DHX36: variants seen among roughly 807,000 people sequenced by gnomAD.
DHX36 encodes DEAH-box helicase 36.
Under a neutral mutation model 139.0 loss-of-function variants are expected in DHX36, and 50 were observed. The ratio of observed to expected loss-of-function variants is 0.36; its 90% CI spans 0.29 to 0.46. The LOEUF (loss-of-function observed/expected upper bound fraction) is 0.46, where lower values mean the gene tolerates loss of function less well. DHX36 is among the 20% of genes least tolerant of loss of function. The probability of loss-of-function intolerance (pLI) is 1.00; values close to 1 mark genes in which losing one functional copy is unlikely to be tolerated. For missense variants in DHX36, 1,024 were observed against 1,211.3 expected (o/e 0.85, Z 2.29); for synonymous variants, 425 against 401.9 (o/e 1.06, Z -0.69).
Position 154,289,743 on chromosome 3 carries a change from C to G in DHX36, c.1898G>C (p.Arg633Thr), listed in dbSNP as rs771930327. Residue 633 changes from arginine to threonine, a missense_variant, in exon 16 of 25, where the codon AGA becomes ACA. Arg to Thr is a moderately conservative substitution (Grantham distance 71, BLOSUM62 -1). This residue lies in a region of DHX36 where 470 missense variants were observed against 616.2 expected (regional missense o/e 0.76). Coordinates refer to ENST00000496811, the MANE Select transcript of DHX36 (RefSeq NM_020865.3). ...LDDYQLPEILRTPLEELCLQI... is the reference protein window; with the variant it reads ...LDDYQLPEILTTPLEELCLQI... ...TAAACAAAGTTCTTCCAAAGGAGTTCTCAAAATTTCTGGCAGTTGATAGTC... is the reference window on the plus strand; with the variant it reads ...TAAACAAAGTTCTTCCAAAGGAGTTGTCAAAATTTCTGGCAGTTGATAGTC... 6 of 1,612,484 alleles carry G rather than the reference C, an allele frequency of 3.7e-6. No individual in the cohort carries two copies. In the Admixed American group the frequency reaches 8.3e-5, roughly 22 times the overall value.
rs755425343 is a variant in DHX36 at position 154,280,510 on chromosome 3, T to C, written c.2567+69A>G. On this transcript the variant is annotated intron_variant, in intron 22 of 24. Coordinates refer to ENST00000496811, the MANE Select transcript of DHX36 (RefSeq NM_020865.3). The stretch of plus-strand genomic sequence containing the variant: ...GAACAAATTTATAATATAAGCCTTG[T>C]TACATGAGCAGATTTCAAAAGTTTA... 12 of 1,100,326 alleles carry C rather than the reference T, an allele frequency of 1.1e-5. No individual in the cohort carries two copies. The Admixed American group carries it at 2.2e-4, about 20-fold the overall frequency. The allele number at this position is 1,100,326 out of a possible 1,614,324, so 68.2% of individuals were successfully genotyped here.
At chr3:154,276,952 T>C (rs992446400) in intron 23 of DHX36, 53 bp from the exon 24 acceptor site, 3 of 1,487,270 alleles carry the variant, frequency 2.0e-6, no homozygotes, top group African/African-American at 2.9e-5. Context: ...AAAAGATTAC[T>C]ATATAAATTC....
At chr3:154,318,034 G>C (rs1473552135) in intron 1 of DHX36, among the ~76,000 whole-genome samples, 2 of 152,084 alleles carry the variant, frequency 1.3e-5, no homozygotes, top group Admixed American at 6.6e-5. Context: ...GTGGGTAGAG[G>C]AGTATGTGTC....
intron 1 of DHX36, among the ~76,000 whole-genome samples, chr3:154,319,880 A>T (rs946672424): frequency 4.0e-5 from 6 of 151,738 alleles, no homozygotes; most frequent in African/African-American, 1.5e-4. Flanking sequence ...AAAACAAAAA[A>T]CCCTCTCGTG....
intron 11 of DHX36, among the ~76,000 whole-genome samples, 179 bp from the exon 12 acceptor site, chr3:154,300,104 T>C (rs1458542905): frequency 6.6e-6 from 1 of 152,174 alleles, no homozygotes; most frequent in Non-Finnish European, 1.5e-5. Context: ...AGTCTTGCTC[T>C]GTCACCCAGG....
At chr3:154,279,001 C>G (rs1414589788) in intron 22 of DHX36, 2 of 152,218 alleles carry the variant, frequency 1.3e-5, no homozygotes, top group Non-Finnish European at 2.9e-5. Flanking sequence ...GTCACCCAGG[C>G]TGGACTGCAG....
chr3:154,300,359 C>CA (rs1712219997), intron 11 of DHX36, among the ~76,000 whole-genome samples: 1 of 152,204 alleles, frequency 6.6e-6, no homozygotes, highest in African/African-American at 2.4e-5. Flanking sequence ...TGAGCCACTG[C>CA]ATCCAGCTAA....
intron 1 of DHX36, among the ~76,000 whole-genome samples, chr3:154,323,033 G>T (rs924016281): frequency 3.9e-5 from 6 of 152,090 alleles, no homozygotes; most frequent in South Asian, 2.1e-4. Context: ...GAAATGGAAC[G>T]GTTTAAAAAT....
At position 154,280,674 on chromosome 3, in the gene DHX36, G is replaced by T. The variant is rs778970022; in HGVS notation, c.2477-5C>A. The T allele has an allele frequency of 9.9e-6, 16 of 1,609,588 alleles. No homozygotes were observed. In the Admixed American group the frequency reaches 2.7e-4, roughly 27 times the overall value. On this transcript the variant is annotated splice_region_variant and splice_polypyrimidine_tract_variant and intron_variant, in intron 21 of 24. Coordinates refer to ENST00000496811, the MANE Select transcript of DHX36 (RefSeq NM_020865.3). The stretch of plus-strand genomic sequence containing the variant: ...CTTTAATTATCTTCTCATTATCTAT[G>T]GGGGGTGAGAAGGTAGAGGGGAAAA...
At chr3:154,303,064 G>C (rs1442591155) in intron 9 of DHX36, among the ~76,000 whole-genome samples, 1 of 152,108 alleles carries the variant, frequency 6.6e-6, no homozygotes, top group Non-Finnish European at 1.5e-5. Context: ...GCGACAGAGA[G>C]AGACTCTGTC....
At position 154,316,032 on chromosome 3, in the gene DHX36, G is replaced by C. The variant is rs760792864; in HGVS notation, c.368+7C>G. 6.2e-7 allele frequency: 1 copy of C among 1,610,466 alleles called. No homozygotes were observed. On this transcript the variant is annotated splice_region_variant and intron_variant, in intron 2 of 24. Transcript: ENST00000496811. ...CCTATTCTTTAAAAAAATATTTCTT[G>C]TCGTACCCATGATCCTCAGGAGCAA...
chr3:154,314,362 T>A (rs1036819820), intron 3 of DHX36, among the ~76,000 whole-genome samples: 1 of 152,200 alleles, frequency 6.6e-6, no homozygotes, highest in African/African-American at 2.4e-5. Context: ...TTCTTTCCTA[T>A]AGGAGGTGCT....
intron 17 of DHX36, among the ~76,000 whole-genome samples, chr3:154,288,219 C>T (rs146655212): frequency 1.3e-5 from 2 of 148,694 alleles, no homozygotes; most frequent in Non-Finnish European, 3.0e-5. Flanking sequence ...ATTTGAATCT[C>T]ATAATATTAA....
At chr3:154,292,515 G>A (rs754110677) in intron 15 of DHX36, 36 bp downstream of exon 15, 3 of 1,608,828 alleles carry the variant, frequency 1.9e-6, no homozygotes, top group Non-Finnish European at 1.7e-6. Context: ...AAATTTTTGT[G>A]TGTTCTAAAA....
Position 154,324,158 on chromosome 3 carries a change from C to T in DHX36, c.243+16G>A, listed in dbSNP as rs373489317. ...CTGTGCTGCCTCATCCTCTCCACTA[C>T]TGAATCCGAGATTACCTCTTGCCTC... On this transcript the variant is annotated intron_variant, in intron 1 of 24. Coordinates refer to ENST00000496811, the MANE Select transcript of DHX36 (RefSeq NM_020865.3). 3.1e-6 allele frequency: 5 copies of T among 1,604,570 alleles called. No individual in the cohort carries two copies. The highest frequency in any genetic ancestry group is 2.2e-5 in the South Asian group (2 of 89,664).
intron 22 of DHX36, chr3:154,279,957 CTAT>C (rs1719280285): frequency 1.3e-5 from 2 of 152,144 alleles, no homozygotes; most frequent in Non-Finnish European, 2.9e-5. Context: ...TAAGACACAT[CTAT>C]CAAATTAAAA....
intron 1 of DHX36, among the ~76,000 whole-genome samples, chr3:154,323,804 G>A (rs1382476785): frequency 6.6e-6 from 1 of 152,112 alleles, no homozygotes; most frequent in African/African-American, 2.4e-5. Flanking sequence ...TCTTCACCAG[G>A]CAAAGACCTT....
rs116333841 is a variant in DHX36, at chr3:154,303,417, C to T, written c.1136-7G>A. The T allele has an allele frequency of 9.1e-4, 1,441 of 1,579,298 alleles. 8 individuals are homozygous for T. In the African/African-American group the frequency reaches 0.017, roughly 19 times the overall value. On this transcript the variant is annotated splice_region_variant and splice_polypyrimidine_tract_variant and intron_variant, in intron 8 of 24. Coordinates refer to ENST00000496811, the MANE Select transcript of DHX36 (RefSeq NM_020865.3). ...TGTATCATTGGACAGTTACCTATTA[C>T]GGCAGACAAAATATAAGCATAAATT... is the stretch of plus-strand genomic sequence containing the variant.
intron 19 of DHX36, among the ~76,000 whole-genome samples, 177 bp from the exon 20 acceptor site, chr3:154,283,448 T>C (rs1056105481): frequency 6.6e-6 from 1 of 152,128 alleles, no homozygotes; most frequent in Non-Finnish European, 1.5e-5. Flanking sequence ...CCCATGATCC[T>C]AGTCCTTAAG....
Sources: gnomAD v4.1 joint callset for allele counts (sites outside exome capture counted in the v4.1 genomes callset) on GRCh38, gnomAD v4.1.1 for gene constraint, gnomAD v4.1.1 regional missense constraint, MANE v1.5 for transcripts, NCBI Gene and HGNC (gene_info 2026-07-23, HGNC 2026-07-21) for gene names.